RNF123: variants seen among roughly 807,000 people sequenced by gnomAD.
The protein encoded by RNF123 is ring finger protein 123, also known as E3 ubiquitin-protein ligase RNF123.
A neutral mutation model predicts 168.5 loss-of-function variants in RNF123; 86 were observed. That is an observed-to-expected ratio of 0.51 (90% CI 0.43 to 0.61). The LOEUF is 0.61. Among genes scored for constraint, RNF123 ranks in the 20% least tolerant of loss-of-function variants. The probability of loss-of-function intolerance (pLI) is 0.00; values close to 1 mark genes in which losing one functional copy is unlikely to be tolerated. For missense variants in RNF123, 1,419 were observed against 1,729.7 expected (o/e 0.82, Z 3.19); for synonymous variants, 666 against 689.1 (o/e 0.97, Z 0.52).
intron 18 of RNF123, 36 bp from the exon 19 acceptor site, chr3:49,702,298 C>G (rs1320102684): frequency 6.2e-7 from 1 of 1,610,614 alleles, no homozygotes; most frequent in African/African-American, 1.3e-5. Flanking sequence ...CCTGCATTCT[C>G]AGCTCAGCAC....
At chr3:49,696,642 CTTTT>C (rs35074575) in intron 3 of RNF123, among the ~76,000 whole-genome samples, 1 of 117,960 alleles carries the variant, frequency 8.5e-6, no homozygotes. Context: ...TGGCCACATA[CTTTT>C]TTTTTTTTTT....
In RNF123 at chr3:49,719,427, C is replaced by T. The variant is rs951565931; in HGVS notation, c.3501-1084C>T. On this transcript the variant is annotated intron_variant, in intron 35 of 38. Transcript: ENST00000327697. ...CCGGGGTGCCTAACCCAACGCGCAG[C>T]ATGCAGAGCAGTGTCCCCAGCAGCA... 32 of 1,613,394 alleles carry T rather than the reference C, an allele frequency of 2.0e-5. No homozygotes were observed. The highest frequency in any genetic ancestry group is 3.3e-5 in the Admixed American group (2 of 59,998).
In RNF123 at chr3:49,701,511, T is replaced by C. The variant is rs759024260; in HGVS notation, c.1298T>C (p.Val433Ala). Residue 433 changes from valine to alanine, a missense_variant, in exon 16 of 39, where the codon GTC (valine) becomes GCC (alanine). Val to Ala is a moderately conservative substitution (Grantham distance 64). This residue lies in a region of RNF123 where 349 missense variants were observed against 344.9 expected (regional missense o/e 1.01). Transcript: ENST00000327697. ...SNVLFDVLRS[V>A]VFFYIKSPLR... ...GCCAGCTTCGACGTGCTCCGCTCCGTCGTCTTCTTTTACATCAAGAGCCCC... is the reference window on the plus strand; with the variant it reads ...GCCAGCTTCGACGTGCTCCGCTCCGCCGTCTTCTTTTACATCAAGAGCCCC... 14 of 1,613,620 alleles carry C rather than the reference T, an allele frequency of 8.7e-6. No individual in the cohort carries two copies. Among genetic ancestry groups the C allele is most frequent in the African/African-American group, 1.3e-5 (1 of 74,906 alleles).
chr3:49,690,196 G>A (rs1368439330), intron 1 of RNF123, among the ~76,000 whole-genome samples: 2 of 152,234 alleles, frequency 1.3e-5, no homozygotes, highest in Non-Finnish European at 2.9e-5. Flanking sequence ...CAGTGCTGCA[G>A]AGCGAAACTC....
At chr3:49,709,579 C>A (rs1380963651) in intron 26 of RNF123, among the ~76,000 whole-genome samples, 1 of 152,100 alleles carries the variant, frequency 6.6e-6, no homozygotes, top group Non-Finnish European at 1.5e-5. Context: ...GGATTACAGG[C>A]GTGAGCCACC....
At chr3:49,694,072 C>T (rs1008234120) in intron 3 of RNF123, among the ~76,000 whole-genome samples, 21 of 152,154 alleles carry the variant, frequency 1.4e-4, no homozygotes, top group Non-Finnish European at 1.9e-4. Flanking sequence ...CTTTGTTGAT[C>T]GTTTACTTTG....
chr3:49,709,504 G>A (rs1265366133), intron 26 of RNF123, among the ~76,000 whole-genome samples: 1 of 152,094 alleles, frequency 6.6e-6, no homozygotes, highest in African/African-American at 2.4e-5. Context: ...GTTTCACCGT[G>A]TTAGCCAGGA....
chr3:49,717,642 G>A (rs1285093553), intron 35 of RNF123: 1 of 477,504 alleles, frequency 2.1e-6, no homozygotes, highest in Non-Finnish European at 3.8e-6. Flanking sequence ...AAGCCACAGG[G>A]GCCTGGGTCT....
intron 15 of RNF123, 147 bp downstream of exon 15, chr3:49,700,856 G>A (rs2108183620): frequency 1.2e-6 from 1 of 827,498 alleles, no homozygotes; most frequent in Non-Finnish European, 2.0e-6. Context: ...TCTCTACAGA[G>A]CAAGGACGAG....
At chr3:49,718,399 C>T in intron 35 of RNF123, 1 of 1,613,166 alleles carries the variant, frequency 6.2e-7, no homozygotes, top group Non-Finnish European at 8.5e-7. Context: ...CAGGCGGGGC[C>T]CAGTGGCCAG....
chr3:49,697,951 C>T lies in RNF123; in HGVS notation c.397+12C>T. 1.2e-6 allele frequency: 2 copies of T among 1,614,174 alleles called. No individual in the cohort carries two copies. Among genetic ancestry groups the T allele is most frequent in the Non-Finnish European group, 1.7e-6 (2 of 1,180,006 alleles). ...ATGCGTGTACAAAGGTGAGACCTTA[C>T]CCTGCTGTGGCCTAGGTAGTGAGGA... On this transcript the variant is annotated intron_variant, in intron 6 of 38. Coordinates refer to ENST00000327697, the MANE Select transcript of RNF123 (RefSeq NM_022064.5).
chr3:49,714,457 T>C (rs1056145023), intron 31 of RNF123, among the ~76,000 whole-genome samples: 1 of 152,234 alleles, frequency 6.6e-6, no homozygotes. Flanking sequence ...GGCGGCACCA[T>C]GTTCCTGGCC....
chr3:49,718,850 G>A, intron 35 of RNF123: 1 of 1,613,462 alleles, frequency 6.2e-7, no homozygotes, highest in Non-Finnish European at 8.5e-7. Flanking sequence ...AAGGCCGGCA[G>A]CGCGGCCAGC....
intron 26 of RNF123, among the ~76,000 whole-genome samples, chr3:49,711,832 C>A (rs962508730): frequency 6.6e-6 from 1 of 152,190 alleles, no homozygotes; most frequent in African/African-American, 2.4e-5. Flanking sequence ...ACACTGCCCC[C>A]TGCTTTCCCA....
chr3:49,710,672 T>A (rs1391550669), intron 26 of RNF123, among the ~76,000 whole-genome samples: 1 of 152,250 alleles, frequency 6.6e-6, no homozygotes, highest in Non-Finnish European at 1.5e-5. Flanking sequence ...TATAAAATCA[T>A]GTCTGTGAAC....
Position 49,699,757 on chromosome 3 carries a change from C to G in RNF123, c.969C>G (p.His323Gln), listed in dbSNP as rs1559674076. The change falls in exon 12 of 39, where the codon CAC (histidine) becomes CAG (glutamine). Residue 323 changes from histidine (H) to glutamine (Q), a missense_variant. Transcript: ENST00000327697. This position sits in a 1 kb window ranked among gnomAD's most constrained non-coding sequence, Gnocchi z 4.8. ...TCACACTGGCCCACATCTTCCATCA[C>G]TTTGCACCGCTTCTGGTGAGCGGCA... is the stretch of plus-strand genomic sequence containing the variant. ...VLLTLAHIFH[H>Q]FAPLLRKVYL... 6.2e-7 allele frequency: 1 copy of G among 1,613,516 alleles called. No homozygotes were observed. The highest frequency in any genetic ancestry group is 8.5e-7 in the Non-Finnish European group (1 of 1,179,978).
chr3:49,692,457 C>T (rs375914612), intron 3 of RNF123, among the ~76,000 whole-genome samples: 1 of 152,108 alleles, frequency 6.6e-6, no homozygotes, highest in Non-Finnish European at 1.5e-5. Flanking sequence ...GGTATCCATC[C>T]CCTCAAGCAT....
Position 49,700,099 on chromosome 3 carries a change from A to G in RNF123, c.985-128A>G, listed in dbSNP as rs1020166825. On this transcript the variant is annotated intron_variant, in intron 12 of 38. Coordinates refer to ENST00000327697, the MANE Select transcript of RNF123 (RefSeq NM_022064.5). Reference sequence around the variant, plus strand: ...AGTCAGACCCCGGAAGGGGTCATCTATGTTTGGTGTTGCTCGAGTGGCTCA... The same window carrying G: ...AGTCAGACCCCGGAAGGGGTCATCTGTGTTTGGTGTTGCTCGAGTGGCTCA... 3.8e-5 allele frequency: 51 copies of G among 1,344,960 alleles called. No individual in the cohort carries two copies. In the African/African-American group the frequency reaches 5.8e-4, roughly 15 times the overall value. 83.3% of individuals were successfully genotyped at this position (1,344,960 alleles called of 1,614,324 possible).
chr3:49,717,990 G>GGACTC, intron 35 of RNF123: 1 of 1,613,592 alleles, frequency 6.2e-7, no homozygotes, highest in Non-Finnish European at 8.5e-7. Flanking sequence ...TGGAGCTGGC[G>GGACTC]GACTCAGAGC....
Sources: allele counts gnomAD v4.1 joint callset (sites outside exome capture counted in the v4.1 genomes callset), GRCh38; gene constraint gnomAD v4.1.1; regional missense constraint gnomAD v4.1.1; non-coding constraint Gnocchi (gnomAD v3.1); transcripts MANE v1.5; gene names NCBI Gene and HGNC (gene_info 2026-07-23, HGNC 2026-07-21).